The following GPR176 variants were observed in gnomAD, a reference collection of about 807,000 sequenced individuals.
The protein encoded by GPR176 is G-protein coupled receptor 176.
A neutral mutation model predicts 35.4 loss-of-function variants in GPR176; 26 were observed. The observed-to-expected ratio is 0.74, with a 90% CI of 0.54 to 1.02. The LOEUF is 1.02. Ranked by LOEUF, GPR176 falls within the 50% of genes least tolerant of loss-of-function variation. GPR176 has a pLI of 0.00. For missense variants in GPR176, 597 were observed against 665.3 expected, an observed-to-expected ratio of 0.90 and a Z score of 1.13; for synonymous variants, 278 against 271.3, an observed-to-expected ratio of 1.02 and a Z score of -0.24.
rs549638188 is a variant in GPR176 at position 39,858,199 on chromosome 15, G to GA, written c.173-50942dup. Among the ~76,000 whole-genome samples, 71 of 152,020 alleles carry GA rather than the reference G, an allele frequency of 4.7e-4. 2 individuals carry two copies. The East Asian group carries it at 0.012, about 26-fold the overall frequency. Reference sequence around the variant, plus strand: ...ACTAGAAAAACGGTGCTTACTGGCAGAAAAAAAGCAAGCAAGAAGACAGAA... The same window carrying GA: ...ACTAGAAAAACGGTGCTTACTGGCAGAAAAAAAAGCAAGCAAGAAGACAGAA... On this transcript the variant is annotated intron_variant, in intron 1 of 2. Coordinates refer to ENST00000561100, the MANE Select transcript of GPR176 (RefSeq NM_007223.3).
chr15:39,905,948 T>G (rs1350153836), intron 1 of GPR176, among the ~76,000 whole-genome samples: 1 of 152,128 alleles, frequency 6.6e-6, no homozygotes, highest in Non-Finnish European at 1.5e-5. Context: ...AAGCACTGTT[T>G]GTTGCAAGAT....
chr15:39,904,330 A>G (rs923376348), intron 1 of GPR176, among the ~76,000 whole-genome samples: 1 of 152,212 alleles, frequency 6.6e-6, no homozygotes, highest in African/African-American at 2.4e-5. Context: ...TCTGGTTCAC[A>G]TGCTTTTGAT....
intron 1 of GPR176, among the ~76,000 whole-genome samples, chr15:39,840,680 TG>T (rs1329536320): frequency 1.3e-5 from 2 of 152,134 alleles, no homozygotes; most frequent in Non-Finnish European, 2.9e-5. Context: ...ACATTGTCAA[TG>T]TAAGAACCAA....
At chr15:39,847,489 T>C (rs575657092) in intron 1 of GPR176, among the ~76,000 whole-genome samples, 1 of 152,220 alleles carries the variant, frequency 6.6e-6, no homozygotes, top group African/African-American at 2.4e-5. Context: ...CTCACACCTA[T>C]AATCCCAGCA....
intron 1 of GPR176, among the ~76,000 whole-genome samples, chr15:39,827,791 A>T (rs1164734798): frequency 6.6e-6 from 1 of 152,236 alleles, no homozygotes; most frequent in African/African-American, 2.4e-5. Flanking sequence ...TACCTTGCAC[A>T]ATCCTACTTT....
At chr15:39,854,720 C>T (rs1308987849) in intron 1 of GPR176, among the ~76,000 whole-genome samples, 1 of 152,080 alleles carries the variant, frequency 6.6e-6, no homozygotes, top group East Asian at 1.9e-4. Flanking sequence ...CTCCCCTCTC[C>T]TCCCTTGGTT....
intron 1 of GPR176, among the ~76,000 whole-genome samples, chr15:39,845,983 T>C (rs1304524203): frequency 6.6e-6 from 1 of 152,172 alleles, no homozygotes; most frequent in Non-Finnish European, 1.5e-5. Flanking sequence ...TATGACAAGG[T>C]TGTGCCCTGT....
At chr15:39,823,836 A>G (rs1169064614) in intron 1 of GPR176, among the ~76,000 whole-genome samples, 7 of 152,222 alleles carry the variant, frequency 4.6e-5, no homozygotes, top group Admixed American at 2.6e-4. Flanking sequence ...CCCCTAGAGT[A>G]CTGCTATCCT....
At chr15:39,811,576 C>T (rs1350901970) in intron 1 of GPR176, among the ~76,000 whole-genome samples, 2 of 152,080 alleles carry the variant, frequency 1.3e-5, no homozygotes, top group Non-Finnish European at 2.9e-5. Context: ...ATCCAAAATC[C>T]AAAATGCTTC....
At chr15:39,919,737 ACT>A (rs1467937066) in intron 1 of GPR176, 116 bp downstream of exon 1, 7 of 716,058 alleles carry the variant, frequency 9.8e-6, no homozygotes, top group African/African-American at 9.4e-5. Flanking sequence ...GCTTCCTTCA[ACT>A]CTCTGCACTT....
intron 1 of GPR176, among the ~76,000 whole-genome samples, chr15:39,815,636 C>T (rs1319474681): frequency 5.9e-5 from 9 of 152,312 alleles, no homozygotes; most frequent in Middle Eastern, 3.4e-3. Flanking sequence ...TATCCCTTCT[C>T]CAGATAGGTC....
chr15:39,852,102 G>C (rs895623223), intron 1 of GPR176, among the ~76,000 whole-genome samples: 1 of 152,108 alleles, frequency 6.6e-6, no homozygotes, highest in Non-Finnish European at 1.5e-5. Context: ...TTCTGGTCTA[G>C]TGTTTCCTGC....
intron 1 of GPR176, among the ~76,000 whole-genome samples, chr15:39,902,672 G>A (rs935837331): frequency 6.6e-6 from 1 of 152,178 alleles, no homozygotes; most frequent in African/African-American, 2.4e-5. Flanking sequence ...TGTGTTCCTG[G>A]AAATTGAATT....
intron 1 of GPR176, among the ~76,000 whole-genome samples, chr15:39,878,095 C>CGTGTGTGTGTGTGTGTGTGTGT (rs1411063695): frequency 4.9e-5 from 2 of 40,876 alleles, no homozygotes. Context: ...CCCATAGTTA[C>CGTGTGTGTGTGTGTGTGTGTGT]CTGTGTGTGT....
At chr15:39,830,874 A>G (rs1461686059) in intron 1 of GPR176, among the ~76,000 whole-genome samples, 1 of 152,206 alleles carries the variant, frequency 6.6e-6, no homozygotes, top group Non-Finnish European at 1.5e-5. Context: ...CTCATCCAAG[A>G]GAATATAAAC....
intron 1 of GPR176, among the ~76,000 whole-genome samples, chr15:39,843,742 C>CA (rs2030200309): frequency 6.6e-6 from 1 of 152,134 alleles, no homozygotes; most frequent in Admixed American, 6.5e-5. Flanking sequence ...GTGCACTTAA[C>CA]AGAGAAAAAT....
At chr15:39,884,961 C>T (rs62002527) in intron 1 of GPR176, among the ~76,000 whole-genome samples, 26,586 of 152,054 alleles carry the variant, frequency 0.17, 2,518 homozygotes, top group Non-Finnish European at 0.22. Context: ...GCAGAGGCTG[C>T]CACAGGATAA....
chr15:39,892,643 G>A (rs780702521), intron 1 of GPR176, among the ~76,000 whole-genome samples: 4 of 152,196 alleles, frequency 2.6e-5, no homozygotes, highest in Non-Finnish European at 4.4e-5. Flanking sequence ...AGACAGATGA[G>A]ACATATGGAA....
chr15:39,898,381 G>A (rs1338131647), intron 1 of GPR176, among the ~76,000 whole-genome samples: 1 of 152,038 alleles, frequency 6.6e-6, no homozygotes, highest in Non-Finnish European at 1.5e-5. Context: ...ACCCCAGAGA[G>A]GGAAAACACA....
Sources: allele counts gnomAD v4.1 joint callset (sites outside exome capture counted in the v4.1 genomes callset), GRCh38; gene constraint gnomAD v4.1.1; transcripts MANE v1.5; gene names NCBI Gene and HGNC (gene_info 2026-07-23, HGNC 2026-07-21).